The following WDR33 variants were observed in gnomAD, a reference collection of about 807,000 sequenced individuals.
WDR33 encodes pre-mRNA 3' end processing protein WDR33.
In WDR33, 47 loss-of-function variants were observed where a neutral mutation model predicts 164.9. That is an observed-to-expected ratio of 0.29 (90% CI 0.23 to 0.36). The LOEUF is 0.36. Among genes scored for constraint, WDR33 ranks in the 10% least tolerant of loss-of-function variants. WDR33 has a pLI of 1.00. For synonymous variants in WDR33, 505 were observed against 589.0 expected, an observed-to-expected ratio of 0.86 and a Z score of 2.06; for missense variants, 1,137 against 1,754.1, an observed-to-expected ratio of 0.65 and a Z score of 6.28.
At chr2:127,748,890 A>G (rs1291680181) in intron 7 of WDR33, among the ~76,000 whole-genome samples, 1 of 151,492 alleles carries the variant, frequency 6.6e-6, no homozygotes, top group Non-Finnish European at 1.5e-5. Context: ...AACTTAAAAA[A>G]AAAAAAAAAA....
chr2:127,786,750 T>C (rs867474600), intron 1 of WDR33, among the ~76,000 whole-genome samples: 3 of 152,118 alleles, frequency 2.0e-5, no homozygotes, highest in Non-Finnish European at 4.4e-5. Context: ...TAAACTCAAT[T>C]TATTCTAGAA....
rs56178730 is a variant in WDR33 at position 127,707,229 on chromosome 2, T to A, written c.3782-677A>T. Among the ~76,000 whole-genome samples the A allele has an allele frequency of 5.2e-3, 641 of 122,584 alleles. 8 individuals are homozygous for A. The highest frequency in any genetic ancestry group is 0.018 in the African/African-American group (599 of 32,996). The allele number at this position is 122,584 out of a possible 152,430, so 80.4% of individuals were successfully genotyped here. On this transcript the variant is annotated intron_variant, in intron 21 of 21. Transcript: ENST00000322313. ...TTCTGTTGCAGCTTGAGAATATATT[T>A]AAAAAAAAAAAAAAAAGAAAAAAAA... is the stretch of plus-strand genomic sequence containing the variant.
chr2:127,764,962 C>T lies in WDR33; in HGVS notation c.492G>A (p.Val164=). The T allele has an allele frequency of 6.2e-7, 1 of 1,614,066 alleles. No homozygotes were observed. Among genetic ancestry groups the T allele is most frequent in the Non-Finnish European group, 8.5e-7 (1 of 1,180,016 alleles). Residue 164 remains valine (V), a synonymous_variant, in exon 6 of 22, where the codon GTG becomes GTA. Transcript: ENST00000322313. This position sits in a 1 kb window ranked among gnomAD's most constrained non-coding sequence, Gnocchi z 6.2. ...ETILQAHDSP[V]RAMTWSHNDM... is the part of the protein sequence containing the mutation. ...CATTATGTGACCACGTCATGGCCCT[C>T]ACTGGGCTGTCGTGAGCCTGTGAAA...
chr2:127,784,441 G>A (rs1688490973), intron 1 of WDR33, among the ~76,000 whole-genome samples: 1 of 152,194 alleles, frequency 6.6e-6, no homozygotes, highest in Admixed American at 6.5e-5. Flanking sequence ...CTGGAGTGCA[G>A]TGGTGCAATC....
intron 1 of WDR33, among the ~76,000 whole-genome samples, chr2:127,783,920 C>G (rs1688467211): frequency 6.6e-6 from 1 of 151,282 alleles, no homozygotes; most frequent in African/African-American, 2.4e-5. Context: ...CTTCCTTATT[C>G]TTTTAAACAC....
chr2:127,744,894 TCATAGAATATACCTTTCAC>T (rs1034678042), intron 7 of WDR33, among the ~76,000 whole-genome samples: 1 of 152,180 alleles, frequency 6.6e-6, no homozygotes, highest in African/African-American at 2.4e-5. Flanking sequence ...TCCATGCAAT[TCATAGAATATACCTTTCAC>T]CATGCATGAC....
chr2:127,734,092 A>G (rs993556721), intron 7 of WDR33, among the ~76,000 whole-genome samples: 7 of 152,202 alleles, frequency 4.6e-5, no homozygotes, highest in African/African-American at 1.7e-4. Flanking sequence ...GACAACTTCT[A>G]TACTCCTTTC....
intron 1 of WDR33, among the ~76,000 whole-genome samples, 161 bp from the exon 2 acceptor site, chr2:127,771,165 G>GT (rs928613629): frequency 1.3e-5 from 2 of 152,130 alleles, no homozygotes; most frequent in African/African-American, 4.8e-5. Flanking sequence ...AACAACGGGC[G>GT]TATGTTCTCA....
At position 127,713,208 on chromosome 2, in the gene WDR33, C is replaced by T. The variant is rs1185876171; in HGVS notation, c.3308+375G>A. Among the ~76,000 whole-genome samples, 1 of 152,196 alleles carries T rather than the reference C, an allele frequency of 6.6e-6. No individual in the cohort carries two copies. Among genetic ancestry groups the T allele is most frequent in the South Asian group, 2.1e-4 (1 of 4,836 alleles). Reference sequence around the variant, plus strand: ...TTGGGCAATTACACAAAAATTGTATCTATTTCACAACCCCTTTATTTCCAA... The same window carrying T: ...TTGGGCAATTACACAAAAATTGTATTTATTTCACAACCCCTTTATTTCCAA... On this transcript the variant is annotated intron_variant, in intron 18 of 21. Transcript: ENST00000322313. The surrounding 1 kb of genome is among the most constrained non-coding windows in gnomAD (Gnocchi z 6.2).
chr2:127,808,440 A>G (rs1188072060), intron 1 of WDR33, among the ~76,000 whole-genome samples: 1 of 152,230 alleles, frequency 6.6e-6, no homozygotes, highest in Non-Finnish European at 1.5e-5. Flanking sequence ...ACAAGATACA[A>G]TACAACTTTA....
At chr2:127,780,803 C>G (rs1307046821) in intron 1 of WDR33, among the ~76,000 whole-genome samples, 1 of 152,152 alleles carries the variant, frequency 6.6e-6, no homozygotes, top group East Asian at 1.9e-4. Flanking sequence ...CACCACTGCA[C>G]TCCAGCCTGG....
Position 127,716,962 on chromosome 2 carries a change from G to A in WDR33, c.2869+193C>T, listed in dbSNP as rs1416054338. ...GCGGGTGCCTTCATTGTCAGCCTCT[G>A]GGGTGAGGGGCTTACTAAACAGATC... On this transcript the variant is annotated intron_variant, in intron 17 of 21. Transcript: ENST00000322313. This position sits in a 1 kb window ranked among gnomAD's most constrained non-coding sequence, Gnocchi z 4.5. Among the ~76,000 whole-genome samples, 3 of 152,192 alleles carry A rather than the reference G, an allele frequency of 2.0e-5. No homozygotes were observed. Among genetic ancestry groups the A allele is most frequent in the African/African-American group, 7.2e-5 (3 of 41,450 alleles).
intron 1 of WDR33, among the ~76,000 whole-genome samples, chr2:127,797,975 C>A (rs1689097691): frequency 6.6e-6 from 1 of 152,130 alleles, no homozygotes; most frequent in African/African-American, 2.4e-5. Flanking sequence ...GATGACACCA[C>A]TGCACTTCAA....
intron 7 of WDR33, among the ~76,000 whole-genome samples, chr2:127,740,702 T>A (rs761132226): frequency 3.9e-4 from 59 of 152,204 alleles, no homozygotes; most frequent in Non-Finnish European, 6.6e-4. Flanking sequence ...TGATGGAACT[T>A]GGGAGAATAT....
intron 7 of WDR33, among the ~76,000 whole-genome samples, chr2:127,752,156 C>T (rs1355832707): frequency 1.3e-5 from 2 of 152,202 alleles, no homozygotes; most frequent in Non-Finnish European, 2.9e-5. Context: ...AAAGAAATAA[C>T]ATTTTACCAG....
chr2:127,736,906 G>C (rs1247918056), intron 7 of WDR33: 2 of 985,222 alleles, frequency 2.0e-6, no homozygotes, highest in African/African-American at 3.5e-5. Flanking sequence ...AAATTTAAAG[G>C]CTGTATTTAG....
At chr2:127,760,761 G>A (rs1456276445) in intron 7 of WDR33, among the ~76,000 whole-genome samples, 2 of 152,078 alleles carry the variant, frequency 1.3e-5, no homozygotes, top group African/African-American at 4.8e-5. Context: ...TATTGTTACT[G>A]TAAAGTAAGT....
At position 127,720,012 on chromosome 2, in the gene WDR33, C is replaced by T; in HGVS notation, c.2013G>A (p.Met671Ile). The change falls in exon 16 of 22, where the codon ATG becomes ATA. Residue 671 changes from methionine (M) to isoleucine (I), a missense_variant. By Grantham distance (10) the Met-to-Ile change is conservative. Transcript: ENST00000322313. The surrounding 1 kb of genome is among the most constrained non-coding windows in gnomAD (Gnocchi z 5.9). ...GCCTCTGCATTCCTTGGGGCCCATG[C>T]ATGTCCTGAGGCCGTGGCAACCCCT... is the stretch of plus-strand genomic sequence containing the variant. Reference protein sequence around the residue: ...PPQGLPRPQDMHGPQGMQRHP... With the variant: ...PPQGLPRPQDIHGPQGMQRHP... 1 of 1,613,892 alleles carries T rather than the reference C, an allele frequency of 6.2e-7. No homozygotes were observed.
Position 127,701,581 on chromosome 2 carries a change from GC to G in WDR33, c.*4741del. The stretch of plus-strand genomic sequence containing the variant: ...GAGTACCTGGCGCAGGGGAAAGCTG[GC>G]GGCCCGGCGGCCGCGGAGCCGCTGC... On this transcript the variant is annotated 3_prime_UTR_variant, in exon 22 of 22. Transcript: ENST00000322313. The G allele has an allele frequency of 7.5e-7, 1 of 1,338,122 alleles. No homozygotes were observed. The highest frequency in any genetic ancestry group is 9.6e-7 in the Non-Finnish European group (1 of 1,038,896). The allele number at this position is 1,338,122 out of a possible 1,614,324, so 82.9% of individuals were successfully genotyped here.
Sources: gnomAD v4.1 joint callset for allele counts (sites outside exome capture counted in the v4.1 genomes callset) on GRCh38, gnomAD v4.1.1 for gene constraint, Gnocchi (gnomAD v3.1) non-coding constraint, MANE v1.5 for transcripts, NCBI Gene and HGNC (gene_info 2026-07-23, HGNC 2026-07-21) for gene names.